Variants in RBL2 observed in about 807,000 individuals in gnomAD.
RBL2 encodes RB transcriptional corepressor like 2.
In RBL2, 56 loss-of-function variants were observed where a neutral mutation model predicts 126.0. The ratio of observed to expected loss-of-function variants is 0.44; its 90% CI spans 0.36 to 0.56. The LOEUF (loss-of-function observed/expected upper bound fraction) is 0.56. Among genes scored for constraint, RBL2 ranks in the 20% least tolerant of loss-of-function variants. The pLI, the probability that RBL2 is intolerant of heterozygous loss-of-function variation, is 0.00. For missense variants in RBL2, 1,229 were observed against 1,398.2 expected (o/e 0.88, Z 1.93); for synonymous variants, 454 against 478.5 (o/e 0.95, Z 0.67).
intron 1 of RBL2, among the ~76,000 whole-genome samples, chr16:53,435,084 C>T (rs1398752012): frequency 6.6e-6 from 1 of 152,116 alleles, no homozygotes; most frequent in Non-Finnish European, 1.5e-5. Flanking sequence ...GTGTGTGTGG[C>T]CCATCTGACC....
chr16:53,439,152 T>C lies in RBL2; in HGVS notation c.371+6T>C. 8.3e-6 allele frequency: 13 copies of C among 1,575,588 alleles called. No individual in the cohort carries two copies. The highest frequency in any genetic ancestry group is 1.4e-5 in the African/African-American group (1 of 73,166). On this transcript the variant is annotated splice_donor_region_variant and intron_variant, in intron 2 of 21. Coordinates refer to ENST00000262133, the MANE Select transcript of RBL2 (RefSeq NM_005611.4). ...CTGAAATGTTCAGAGCAGAGGTAAC[T>C]ATGTTAGAGTTTGACAAGTAGAGTA...
At chr16:53,473,755 G>A (rs930523236) in intron 17 of RBL2, among the ~76,000 whole-genome samples, 1 of 151,922 alleles carries the variant, frequency 6.6e-6, no homozygotes, top group Non-Finnish European at 1.5e-5. Context: ...CACTATTAAA[G>A]TATGATAGTA....
At chr16:53,467,740 G>A (rs1407433579) in intron 14 of RBL2, among the ~76,000 whole-genome samples, 1 of 152,146 alleles carries the variant, frequency 6.6e-6, no homozygotes, top group South Asian at 2.1e-4. Flanking sequence ...GTTTATTTAT[G>A]AGCATACAAA....
intron 17 of RBL2, among the ~76,000 whole-genome samples, chr16:53,478,642 TGA>T (rs955333192): frequency 1.1e-4 from 17 of 152,124 alleles, no homozygotes; most frequent in African/African-American, 4.1e-4. Context: ...AGTCTTTTTT[TGA>T]GAGAGAGTCT....
intron 1 of RBL2, among the ~76,000 whole-genome samples, chr16:53,437,279 G>T (rs1304135142): frequency 6.7e-6 from 1 of 150,354 alleles, no homozygotes; most frequent in Non-Finnish European, 1.5e-5. Flanking sequence ...CCATCTCCCA[G>T]AGATATATGT....
chr16:53,463,561 C>CTTTTTTTTTTTTTTTT (rs770657237), intron 11 of RBL2, among the ~76,000 whole-genome samples: 1 of 94,406 alleles, frequency 1.1e-5, no homozygotes, highest in Non-Finnish European at 2.0e-5. Flanking sequence ...TTTTTTTTTC[C>CTTTTTTTTTTTTTTTT]TTTTTTTTTT....
rs1201500083 is a variant in RBL2, at chr16:53,491,290, TG to T, written c.*992del. The T allele has an allele frequency of 6.6e-6, 1 of 152,180 alleles. No individual in the cohort carries two copies. The allele number at this position is 152,180 out of a possible 1,614,324, so 9.4% of individuals were successfully genotyped here. ...ATTTAAAAATATTTTTGGGTGTTCCTGGCAGTTTAAAAAAATTGGTTGGAGA... is the reference window on the plus strand; with the variant it reads ...ATTTAAAAATATTTTTGGGTGTTCCTGCAGTTTAAAAAAATTGGTTGGAGA... On this transcript the variant is annotated 3_prime_UTR_variant, in exon 22 of 22. Coordinates refer to ENST00000262133, the MANE Select transcript of RBL2 (RefSeq NM_005611.4).
At position 53,480,869 on chromosome 16, in the gene RBL2, C is replaced by A. The variant is rs28465646; in HGVS notation, c.3084+100C>A. 1,655 of 1,229,458 alleles carry A rather than the reference C, an allele frequency of 1.3e-3. 18 individuals are homozygous for A. In the African/African-American group the frequency reaches 0.021, roughly 16 times the overall value. The allele number at this position is 1,229,458 out of a possible 1,614,324, so 76.2% of individuals were successfully genotyped here. ...ACCATTCACCTGGTCCGTATATAAACTAGTTTTGGCCAGGTGTGGTGGCTC... is the reference window on the plus strand; with the variant it reads ...ACCATTCACCTGGTCCGTATATAAAATAGTTTTGGCCAGGTGTGGTGGCTC... On this transcript the variant is annotated intron_variant, in intron 20 of 21. Coordinates refer to ENST00000262133, the MANE Select transcript of RBL2 (RefSeq NM_005611.4).
chr16:53,472,579 C>A (rs1960563297), intron 17 of RBL2, among the ~76,000 whole-genome samples: 1 of 152,134 alleles, frequency 6.6e-6, no homozygotes, highest in Non-Finnish European at 1.5e-5. Flanking sequence ...AAATCCTTTG[C>A]CCATTTTAAA....
At chr16:53,456,957 T>C (rs1037179769) in intron 8 of RBL2, among the ~76,000 whole-genome samples, 1 of 152,144 alleles carries the variant, frequency 6.6e-6, no homozygotes, top group East Asian at 1.9e-4. Context: ...ATTACCTGTC[T>C]CCTTGCATTA....
chr16:53,435,492 T>C, intron 1 of RBL2: 1 of 974,640 alleles, frequency 1.0e-6, no homozygotes, highest in Non-Finnish European at 1.3e-6. Context: ...GCGATCCGGG[T>C]GTGTTAGGTC....
intron 17 of RBL2, among the ~76,000 whole-genome samples, chr16:53,474,036 A>G (rs949464401): frequency 2.6e-5 from 4 of 152,004 alleles, no homozygotes; most frequent in African/African-American, 9.7e-5. Context: ...TTTTTGAGAC[A>G]GTGTCTCGCT....
In RBL2 at chr16:53,491,323, GT is replaced by G. The variant is rs1237717161; in HGVS notation, c.*1028del. On this transcript the variant is annotated 3_prime_UTR_variant, in exon 22 of 22. Coordinates refer to ENST00000262133, the MANE Select transcript of RBL2 (RefSeq NM_005611.4). ...TAAAAAAATTGGTTGGAGAATTTAG[GT>G]TTTTATTAGTACCATAGTACCATTT... 46 of 152,078 alleles carry G rather than the reference GT, an allele frequency of 3.0e-4. No homozygotes were observed. The highest frequency in any genetic ancestry group is 9.4e-4 in the African/African-American group (39 of 41,408). 9.4% of individuals were successfully genotyped at this position (152,078 alleles called of 1,614,324 possible). A position where few individuals can be genotyped will look rare whatever the true frequency, so the allele number is the denominator to read the frequency against.
chr16:53,473,779 TC>T (rs1309129477), intron 17 of RBL2, among the ~76,000 whole-genome samples: 1 of 152,102 alleles, frequency 6.6e-6, no homozygotes, highest in East Asian at 1.9e-4. Context: ...ATGGTTTTTT[TC>T]ATAGATGCCC....
intron 9 of RBL2, among the ~76,000 whole-genome samples, chr16:53,460,133 C>A (rs1188458206): frequency 6.6e-6 from 1 of 152,178 alleles, no homozygotes; most frequent in Non-Finnish European, 1.5e-5. Context: ...TTCCTTTGAT[C>A]TCCCTGAGAC....
intron 2 of RBL2, among the ~76,000 whole-genome samples, chr16:53,440,151 C>T (rs1199712032): frequency 3.3e-5 from 5 of 151,802 alleles, no homozygotes; most frequent in Admixed American, 1.3e-4. Flanking sequence ...CAAAAATTAG[C>T]CGAGTGTGGT....
At chr16:53,444,101 T>G (rs1379763202) in intron 3 of RBL2, among the ~76,000 whole-genome samples, 1 of 150,004 alleles carries the variant, frequency 6.7e-6, no homozygotes, top group African/African-American at 2.5e-5. Context: ...ATACAAAAAT[T>G]AGCTGTGCGT....
At chr16:53,435,145 C>T (rs2057945463) in intron 1 of RBL2, among the ~76,000 whole-genome samples, 2 of 152,116 alleles carry the variant, frequency 1.3e-5, no homozygotes, top group South Asian at 4.1e-4. Context: ...CAAGACCACA[C>T]GGACAAGGGG....
chr16:53,434,804 C>G lies in RBL2; in HGVS notation c.240+8C>G, dbSNP rs756304646. 4.7e-6 allele frequency: 7 copies of G among 1,485,868 alleles called. No homozygotes were observed. The African/African-American group carries it at 7.2e-5, about 15-fold the overall frequency. The allele number at this position is 1,485,868 out of a possible 1,614,324, so 92.0% of individuals were successfully genotyped here. On this transcript the variant is annotated splice_region_variant and intron_variant, in intron 1 of 21. Transcript: ENST00000262133. ...GAAAGCTACACGCTGGAGGTGCGCT[C>G]GCGGGCGGAGGGGCGCTTCCGGCCT... is the stretch of plus-strand genomic sequence containing the variant.
Sources: gnomAD v4.1 joint callset for allele counts (sites outside exome capture counted in the v4.1 genomes callset) on GRCh38, gnomAD v4.1.1 for gene constraint, MANE v1.5 for transcripts, NCBI Gene and HGNC (gene_info 2026-07-23, HGNC 2026-07-21) for gene names.